Variants in SLC60A1 observed in about 807,000 individuals in gnomAD.
The protein encoded by SLC60A1 is solute carrier family 60 member 1.
chr1:205,577,139 T>C, the SLC60A1 span, among the ~76,000 whole-genome samples: 3 of 152,090 alleles, frequency 2.0e-5, no homozygotes, highest in African/African-American at 7.2e-5. The surrounding 1 kb of genome is among the most constrained non-coding windows in gnomAD (Gnocchi z 5.2). Context: ...TTCCAGCCCT[T>C]ACTGACCCCT....
the SLC60A1 span, among the ~76,000 whole-genome samples, chr1:205,570,041 T>TC: frequency 6.7e-6 from 1 of 149,516 alleles, no homozygotes; most frequent in Non-Finnish European, 1.5e-5. Context: ...GTGCCAAGGT[T>TC]CCCCTCCACT....
At chr1:205,582,099 T>C in the SLC60A1 span, among the ~76,000 whole-genome samples, 1 of 152,188 alleles carries the variant, frequency 6.6e-6, no homozygotes, top group Non-Finnish European at 1.5e-5. Flanking sequence ...CTCCGTCTGC[T>C]CCTTCCCTTT....
At chr1:205,585,997 C>T in the SLC60A1 span, 30 of 1,540,906 alleles carry the variant, frequency 1.9e-5, no homozygotes, top group Non-Finnish European at 2.6e-5. The surrounding 1 kb of genome is among the most constrained non-coding windows in gnomAD (Gnocchi z 4.2). Context: ...TCTGGCTGGG[C>T]TGCAGGTGTG....
chr1:205,569,040 A>C, the SLC60A1 span: 5 of 1,308,490 alleles, frequency 3.8e-6, no homozygotes, highest in East Asian at 4.4e-5. Context: ...GCTCGCCGGG[A>C]CCAGATCCGC....
chr1:205,584,029 C>T, the SLC60A1 span: 1 of 1,614,078 alleles, frequency 6.2e-7, no homozygotes. Flanking sequence ...AGAGGAGGCC[C>T]CTGCTTCTGT....
At chr1:205,580,857 T>C in the SLC60A1 span, 1 of 1,614,168 alleles carries the variant, frequency 6.2e-7, no homozygotes, top group Non-Finnish European at 8.5e-7. The surrounding 1 kb of genome is among the most constrained non-coding windows in gnomAD (Gnocchi z 5.0). Flanking sequence ...TTCCCAGGGC[T>C]GACTCCAAAG....
the SLC60A1 span, chr1:205,597,522 G>A: frequency 6.4e-6 from 2 of 311,262 alleles, no homozygotes; most frequent in African/African-American, 4.3e-5. Context: ...CCAAGTAGCT[G>A]GGACTACAGG....
chr1:205,580,624 C>CA, the SLC60A1 span: 1 of 1,590,996 alleles, frequency 6.3e-7, no homozygotes, highest in South Asian at 1.1e-5. This position sits in a 1 kb window ranked among gnomAD's most constrained non-coding sequence, Gnocchi z 5.0. Flanking sequence ...TGAAGACTGA[C>CA]CCCCACCCCC....
chr1:205,597,430 C>G, the SLC60A1 span: 1 of 148,030 alleles, frequency 6.8e-6, no homozygotes, highest in Non-Finnish European at 1.5e-5. Context: ...ACTCTGTCAC[C>G]CAGGCTGGAG....
At chr1:205,585,505 G>A in the SLC60A1 span, among the ~76,000 whole-genome samples, 1 of 152,128 alleles carries the variant, frequency 6.6e-6, no homozygotes, top group Non-Finnish European at 1.5e-5. The surrounding 1 kb of genome is among the most constrained non-coding windows in gnomAD (Gnocchi z 4.2). Flanking sequence ...TAGGGCAGTC[G>A]TGAATGGCTG....
chr1:205,583,320 G>C, the SLC60A1 span, among the ~76,000 whole-genome samples: 2 of 152,182 alleles, frequency 1.3e-5, no homozygotes, highest in Admixed American at 1.3e-4. Context: ...ATCAAAAGGA[G>C]ATCATGTTTT....
the SLC60A1 span, chr1:205,602,668 T>G: frequency 6.6e-6 from 1 of 152,392 alleles, no homozygotes; most frequent in Non-Finnish European, 1.5e-5. Context: ...TAATTATATT[T>G]GTAAATACTC....
the SLC60A1 span, chr1:205,598,061 A>G: frequency 1.9e-6 from 1 of 525,386 alleles, no homozygotes; most frequent in Non-Finnish European, 3.5e-6. Flanking sequence ...GGAGATGTAA[A>G]CGGATGCATG....
At chr1:205,592,902 C>T in the SLC60A1 span, among the ~76,000 whole-genome samples, 1 of 152,186 alleles carries the variant, frequency 6.6e-6, no homozygotes, top group East Asian at 1.9e-4. Flanking sequence ...ATAGGAAAGG[C>T]ATTTTGTAAG....
the SLC60A1 span, among the ~76,000 whole-genome samples, chr1:205,573,897 G>A: frequency 0.045 from 6,852 of 151,826 alleles, 254 homozygotes; most frequent in South Asian, 0.16. Flanking sequence ...AGGTTTCACC[G>A]TGTTGGCCAG....
At chr1:205,592,527 T>TC in the SLC60A1 span, among the ~76,000 whole-genome samples, 1 of 151,842 alleles carries the variant, frequency 6.6e-6, no homozygotes, top group Non-Finnish European at 1.5e-5. Context: ...ATGCTATCCC[T>TC]CCCCCCTCTC....
At chr1:205,586,635 G>T in the SLC60A1 span, among the ~76,000 whole-genome samples, 2 of 151,902 alleles carry the variant, frequency 1.3e-5, no homozygotes, top group African/African-American at 4.8e-5. Context: ...TCCCACAACC[G>T]TCGGAATCAC....
chr1:205,584,635 C>T, the SLC60A1 span, among the ~76,000 whole-genome samples: 250 of 151,958 alleles, frequency 1.6e-3, 2 homozygotes, highest in African/African-American at 5.6e-3. Flanking sequence ...ACTTCACCCT[C>T]CATTCTGCTC....
the SLC60A1 span, among the ~76,000 whole-genome samples, chr1:205,573,249 A>G: frequency 1.3e-3 from 31 of 24,608 alleles, no homozygotes; most frequent in African/African-American, 4.4e-3. Flanking sequence ...CATCTCTACT[A>G]AAAAAAAAAC....
Sources: gnomAD v4.1 joint callset for allele counts (sites outside exome capture counted in the v4.1 genomes callset) on GRCh38, gnomAD v4.1.1 for gene constraint, Gnocchi (gnomAD v3.1) non-coding constraint, MANE v1.5 for transcripts, NCBI Gene and HGNC (gene_info 2026-07-23, HGNC 2026-07-21) for gene names.